The following NEK1 variants were observed in gnomAD, a reference collection of about 807,000 sequenced individuals.
The protein encoded by NEK1 is serine/threonine-protein kinase Nek1.
NEK1 carries 137 observed loss-of-function variants against 182.1 expected under a neutral mutation model. That is an observed-to-expected ratio of 0.75 (90% CI 0.65 to 0.87). The LOEUF (loss-of-function observed/expected upper bound fraction) is 0.87, where lower values mean the gene tolerates loss of function less well. Among genes scored for constraint, NEK1 ranks in the 40% least tolerant of loss-of-function variants. The pLI is 0.00. For missense variants in NEK1, 1,391 were observed against 1,494.4 expected, an observed-to-expected ratio of 0.93 and a Z score of 1.14; for synonymous variants, 513 against 492.2, an observed-to-expected ratio of 1.04 and a Z score of -0.56.
chr4:169,500,303 C>G (rs908368026), intron 23 of NEK1, among the ~76,000 whole-genome samples: 24 of 152,166 alleles, frequency 1.6e-4, no homozygotes, highest in Admixed American at 1.2e-3. Flanking sequence ...TCTGTCACCC[C>G]TTTCTTTGAC....
intron 23 of NEK1, among the ~76,000 whole-genome samples, chr4:169,500,508 C>A (rs952389676): frequency 5.9e-5 from 9 of 152,178 alleles, no homozygotes; most frequent in Admixed American, 5.9e-4. Context: ...GGGAGCTGTA[C>A]ACTGGAGCTG....
chr4:169,594,509 C>A (rs2150110302), intron 5 of NEK1, among the ~76,000 whole-genome samples: 1 of 152,268 alleles, frequency 6.6e-6, no homozygotes, highest in Admixed American at 6.5e-5. Context: ...TTCATGTCTA[C>A]CAGAATAATT....
At chr4:169,411,003 C>T (rs973969178) in intron 31 of NEK1, among the ~76,000 whole-genome samples, 2 of 152,214 alleles carry the variant, frequency 1.3e-5, no homozygotes, top group African/African-American at 2.4e-5. Context: ...TGTGTGCGTG[C>T]GTATCCTGTT....
intron 18 of NEK1, among the ~76,000 whole-genome samples, chr4:169,552,170 C>T (rs184289071): frequency 1.8e-4 from 27 of 151,900 alleles, no homozygotes; most frequent in African/African-American, 5.8e-4. Flanking sequence ...AAAGAGATCA[C>T]GAGAAAATTA....
intron 16 of NEK1, among the ~76,000 whole-genome samples, chr4:169,559,922 T>A: frequency 6.6e-6 from 1 of 152,128 alleles, no homozygotes. Context: ...GGCAGGAGAA[T>A]CGCTTGAACC....
intron 16 of NEK1, among the ~76,000 whole-genome samples, chr4:169,556,783 A>G (rs1021171472): frequency 6.6e-6 from 1 of 152,112 alleles, no homozygotes. Flanking sequence ...ATTTAGAAAA[A>G]AGGCCTTGGG....
At chr4:169,441,822 C>T (rs1168600773) in intron 27 of NEK1, among the ~76,000 whole-genome samples, 2 of 152,152 alleles carry the variant, frequency 1.3e-5, no homozygotes. Context: ...TGCACATGCA[C>T]CACACAGGGG....
intron 12 of NEK1, among the ~76,000 whole-genome samples, chr4:169,571,560 A>G (rs1334098452): frequency 3.3e-5 from 5 of 152,340 alleles, no homozygotes; most frequent in African/African-American, 1.2e-4. Flanking sequence ...ACAGACCTCA[A>G]AGAAAAGACA....
chr4:169,515,604 A>G (rs1251860917), intron 19 of NEK1, among the ~76,000 whole-genome samples: 1 of 124,694 alleles, frequency 8.0e-6, no homozygotes, highest in Non-Finnish European at 1.7e-5. Flanking sequence ...TGCACCCACT[A>G]ATGTGTCATC....
chr4:169,570,026 C>T (rs953021251), intron 12 of NEK1, among the ~76,000 whole-genome samples: 4 of 145,818 alleles, frequency 2.7e-5, no homozygotes, highest in African/African-American at 9.8e-5. Context: ...TGCCCGGCCG[C>T]CATCCCATCT....
chr4:169,403,484 T>C (rs760204335), intron 32 of NEK1, among the ~76,000 whole-genome samples: 5 of 152,120 alleles, frequency 3.3e-5, no homozygotes, highest in Non-Finnish European at 7.4e-5. Context: ...GCAGGAGGAC[T>C]GCTTGAGCCC....
chr4:169,408,109 G>C (rs1732957255), intron 31 of NEK1, among the ~76,000 whole-genome samples: 2 of 152,274 alleles, frequency 1.3e-5, no homozygotes, highest in Admixed American at 1.3e-4. Flanking sequence ...TTAGGTACCT[G>C]CTAATCAATA....
intron 19 of NEK1, among the ~76,000 whole-genome samples, chr4:169,510,607 CCT>C (rs1357041254): frequency 6.6e-6 from 1 of 152,088 alleles, no homozygotes; most frequent in African/African-American, 2.4e-5. Context: ...TCTACAATGC[CCT>C]GAGAGTAACC....
At chr4:169,601,537 C>A (rs1191053499) in intron 4 of NEK1, among the ~76,000 whole-genome samples, 1 of 152,136 alleles carries the variant, frequency 6.6e-6, no homozygotes, top group East Asian at 1.9e-4. Context: ...TACAGAGGAG[C>A]ATACTGAGTG....
intron 23 of NEK1, among the ~76,000 whole-genome samples, chr4:169,502,192 G>A (rs1465635087): frequency 2.7e-5 from 4 of 148,114 alleles, no homozygotes; most frequent in Non-Finnish European, 4.5e-5. Flanking sequence ...GAACTAGGAA[G>A]AAACTGAAAC....
At chr4:169,555,509 A>AC in intron 18 of NEK1, 3 of 557,362 alleles carry the variant, frequency 5.4e-6, no homozygotes, top group Admixed American at 2.9e-5. Context: ...CCCACAAACA[A>AC]GACACAAAAA....
intron 12 of NEK1, among the ~76,000 whole-genome samples, chr4:169,568,403 TTAGAAAA>T (rs1190764811): frequency 1.3e-5 from 2 of 152,194 alleles, no homozygotes; most frequent in Non-Finnish European, 2.9e-5. Flanking sequence ...CTGAACTCTA[TTAGAAAA>T]CATAAAACAT....
chr4:169,570,294 A>G (rs370773826), intron 12 of NEK1, among the ~76,000 whole-genome samples: 1,315 of 139,280 alleles, frequency 9.4e-3, no homozygotes, highest in African/African-American at 0.034. Flanking sequence ...CCCTCCGCCC[A>G]GCAGCCACCC....
intron 4 of NEK1, among the ~76,000 whole-genome samples, chr4:169,600,904 C>T (rs146686302): frequency 1.3e-5 from 2 of 152,238 alleles, no homozygotes; most frequent in East Asian, 3.9e-4. Flanking sequence ...CTATGTGAAG[C>T]AGTCAATATA....
Sources: allele counts gnomAD v4.1 joint callset (sites outside exome capture counted in the v4.1 genomes callset), GRCh38; gene constraint gnomAD v4.1.1; transcripts MANE v1.5; gene names NCBI Gene and HGNC (gene_info 2026-07-23, HGNC 2026-07-21).